AFAP1L2: variants seen among roughly 807,000 people sequenced by gnomAD.
The protein encoded by AFAP1L2 is actin filament-associated protein 1-like 2.
In AFAP1L2, 46 loss-of-function variants were observed where a neutral mutation model predicts 99.3. That is an observed-to-expected ratio of 0.46 (90% confidence interval 0.37 to 0.59). AFAP1L2 has a LOEUF of 0.59. Among genes scored for constraint, AFAP1L2 ranks in the 20% least tolerant of loss-of-function variants. AFAP1L2 has a pLI of 0.00. For synonymous variants in AFAP1L2, 397 were observed against 419.1 expected, an observed-to-expected ratio of 0.95 and a Z score of 0.64; for missense variants, 959 against 1,034.9, an observed-to-expected ratio of 0.93 and a Z score of 1.01.
Position 114,398,177 on chromosome 10 carries a change from T to C in AFAP1L2, c.16+6263A>G, listed in dbSNP as rs562315328. On this transcript the variant is annotated intron_variant, in intron 1 of 18. Transcript: ENST00000304129. ...TGGGGAGAATATGAGAGTCGAGTGATAGAAAATTAGGAAAGGGCTCAAAGC... is the reference window on the plus strand; with the variant it reads ...TGGGGAGAATATGAGAGTCGAGTGACAGAAAATTAGGAAAGGGCTCAAAGC... Among the ~76,000 whole-genome samples the C allele has an allele frequency of 9.2e-5, 14 of 152,322 alleles. No homozygotes were observed. In the South Asian group the frequency reaches 2.3e-3, roughly 25 times the overall value.
chr10:114,284,379 G>A, the AFAP1L2 span, among the ~76,000 whole-genome samples: 3 of 152,310 alleles, frequency 2.0e-5, no homozygotes, highest in African/African-American at 7.2e-5. Context: ...ATGAAGATGG[G>A]AGAGGTTAAT....
chr10:114,315,858 C>T (rs543511394), intron 5 of AFAP1L2, 93 bp from the exon 6 acceptor site: 269 of 1,251,968 alleles, frequency 2.1e-4, no homozygotes, highest in Non-Finnish European at 2.6e-4. Context: ...GGAGCAGCAG[C>T]AGCCAGACCA....
chr10:114,340,186 A>C (rs1719142093), intron 2 of AFAP1L2, among the ~76,000 whole-genome samples: 1 of 151,062 alleles, frequency 6.6e-6, no homozygotes, highest in Non-Finnish European at 1.5e-5. Flanking sequence ...AAATACAAAA[A>C]AAAAAAAAAT....
intron 1 of AFAP1L2, among the ~76,000 whole-genome samples, chr10:114,379,950 T>C (rs541154835): frequency 1.3e-5 from 2 of 152,240 alleles, no homozygotes; most frequent in Non-Finnish European, 2.9e-5. Flanking sequence ...GTATGTTTTC[T>C]GTGGCAAATG....
rs749277709 is a variant in AFAP1L2 at position 114,296,041 on chromosome 10, T to TCTAA, written c.2454_2457dup. The TCTAA allele has an allele frequency of 1.2e-5, 20 of 1,614,202 alleles. No homozygotes were observed. Among genetic ancestry groups the TCTAA allele is most frequent in the Non-Finnish European group, 1.6e-5 (19 of 1,180,002 alleles). ...GAGAGTCTTTAGATGAAGCTTGTTT[T>TCTAA]CTAACTTGCTCCTTTCTTCTCCCAT... On this transcript the variant is annotated 3_prime_UTR_variant, in exon 19 of 19. Coordinates refer to ENST00000304129, the MANE Select transcript of AFAP1L2 (RefSeq NM_001001936.3).
intron 1 of AFAP1L2, among the ~76,000 whole-genome samples, chr10:114,345,615 G>T (rs1028416699): frequency 6.6e-6 from 1 of 152,172 alleles, no homozygotes; most frequent in African/African-American, 2.4e-5. Flanking sequence ...AACCCAATTT[G>T]GCCACATCCC....
At chr10:114,328,269 C>T (rs1317235353) in intron 4 of AFAP1L2, among the ~76,000 whole-genome samples, 1 of 152,134 alleles carries the variant, frequency 6.6e-6, no homozygotes. Context: ...GGGCTCGTGG[C>T]CGATAAGCAT....
chr10:114,292,254 G>A (rs1165803687), downstream of AFAP1L2, among the ~76,000 whole-genome samples: 1 of 152,064 alleles, frequency 6.6e-6, no homozygotes, highest in Non-Finnish European at 1.5e-5. Context: ...TCCAGCCTGG[G>A]CAACAAGAGT....
At chr10:114,398,898 C>T (rs1441825328) in intron 1 of AFAP1L2, 1 of 1,304,352 alleles carries the variant, frequency 7.7e-7, no homozygotes, top group East Asian at 5.5e-5. Flanking sequence ...ACAGCAACAC[C>T]CCTGTGCTGG....
In AFAP1L2 at chr10:114,369,300, AAAAC is replaced by A. The variant is rs1273946769; in HGVS notation, c.17-28573_17-28570del. 5.3e-5 allele frequency among the ~76,000 whole-genome samples: 8 copies of A among 152,284 alleles called. No individual in the cohort carries two copies. In the East Asian group the frequency reaches 7.7e-4, roughly 15 times the overall value. On this transcript the variant is annotated intron_variant, in intron 1 of 18. Coordinates refer to ENST00000304129, the MANE Select transcript of AFAP1L2 (RefSeq NM_001001936.3). ...AGTGAGATGTCTGTCTCTATTTAAA[AAAAC>A]AAACAAACAGGCCGGGCACAGTGGC...
In AFAP1L2 at chr10:114,333,515, G is replaced by C. The variant is rs111367958; in HGVS notation, c.146-220C>G. On this transcript the variant is annotated intron_variant, in intron 2 of 18. Transcript: ENST00000304129. ...TGACTGCTAGTTTTCTAGCCTGACC[G>C]AGGGTGTGGGGGCAGGTAAGATACA... Among the ~76,000 whole-genome samples, 803 of 152,324 alleles carry C rather than the reference G, an allele frequency of 5.3e-3. 4 individuals carry two copies. Among genetic ancestry groups the C allele is most frequent in the Non-Finnish European group, 8.0e-3 (546 of 68,030 alleles).
chr10:114,385,619 T>C (rs945334623), intron 1 of AFAP1L2, among the ~76,000 whole-genome samples: 3 of 152,104 alleles, frequency 2.0e-5, no homozygotes, highest in Non-Finnish European at 4.4e-5. Flanking sequence ...ATCAGGATAA[T>C]GACAATTACC....
At chr10:114,373,791 G>A (rs185131093) in intron 1 of AFAP1L2, among the ~76,000 whole-genome samples, 12 of 152,244 alleles carry the variant, frequency 7.9e-5, no homozygotes, top group East Asian at 7.7e-4. Flanking sequence ...CCAGAGCTCC[G>A]TCTCTGCTCC....
At chr10:114,365,024 G>A (rs1450236210) in intron 1 of AFAP1L2, among the ~76,000 whole-genome samples, 2 of 152,238 alleles carry the variant, frequency 1.3e-5, no homozygotes, top group Admixed American at 1.3e-4. Context: ...GGGCATAAAT[G>A]TGCTAAGTCA....
At chr10:114,351,562 T>G (rs149980807) in intron 1 of AFAP1L2, among the ~76,000 whole-genome samples, 7 of 152,150 alleles carry the variant, frequency 4.6e-5, no homozygotes, top group South Asian at 2.1e-4. Flanking sequence ...ACTCTGAGGT[T>G]GGAGTCAACC....
chr10:114,304,954 G>C (rs2041870434), intron 10 of AFAP1L2, 24 bp from the exon 11 acceptor site: 4 of 1,605,312 alleles, frequency 2.5e-6, no homozygotes, highest in Middle Eastern at 1.7e-4. Flanking sequence ...TGCAGATGCA[G>C]GAGGGGACAG....
At chr10:114,385,746 C>A (rs1441811643) in intron 1 of AFAP1L2, among the ~76,000 whole-genome samples, 1 of 152,200 alleles carries the variant, frequency 6.6e-6, no homozygotes, top group Non-Finnish European at 1.5e-5. Context: ...CTTAACTCAG[C>A]CTAGCTCAGG....
intron 4 of AFAP1L2, among the ~76,000 whole-genome samples, chr10:114,325,617 T>C (rs2046148472): frequency 6.6e-6 from 1 of 152,224 alleles, no homozygotes; most frequent in African/African-American, 2.4e-5. Context: ...GACGCACTGC[T>C]GAAGGGAGCC....
At chr10:114,293,467 G>T (rs952990277), downstream of AFAP1L2, among the ~76,000 whole-genome samples, 1 of 152,082 alleles carries the variant, frequency 6.6e-6, no homozygotes, top group Non-Finnish European at 1.5e-5. Flanking sequence ...GTAGGAAATG[G>T]GTTTCTCGCC....
Sources: allele counts gnomAD v4.1 joint callset (sites outside exome capture counted in the v4.1 genomes callset), GRCh38; gene constraint gnomAD v4.1.1; transcripts MANE v1.5; gene names NCBI Gene and HGNC (gene_info 2026-07-23, HGNC 2026-07-21).